ENTREP2: variants seen among roughly 807,000 people sequenced by gnomAD.
The protein encoded by ENTREP2 is endosomal transmembrane epsin interactor 2.
chr15:29,168,342 A>T, the ENTREP2 span, among the ~76,000 whole-genome samples: 1 of 152,226 alleles, frequency 6.6e-6, no homozygotes, highest in Non-Finnish European at 1.5e-5. Flanking sequence ...GAATTTAAAA[A>T]AACCTACTAC....
chr15:29,419,219 G>A, the ENTREP2 span, among the ~76,000 whole-genome samples: 8 of 151,998 alleles, frequency 5.3e-5, no homozygotes, highest in South Asian at 2.1e-4. Flanking sequence ...TAGTTATTAC[G>A]CCCAAGAAAA....
chr15:29,600,902 C>CCTTTTT, the ENTREP2 span, among the ~76,000 whole-genome samples: 2 of 123,624 alleles, frequency 1.6e-5, no homozygotes, highest in African/African-American at 7.2e-5. Context: ...ATTTTTCTTT[C>CCTTTTT]TTTTTTTTTT....
At chr15:29,351,347 G>C in the ENTREP2 span, among the ~76,000 whole-genome samples, 2 of 152,170 alleles carry the variant, frequency 1.3e-5, no homozygotes, top group Admixed American at 6.5e-5. Flanking sequence ...GACCATTATA[G>C]ACATCATTAT....
the ENTREP2 span, chr15:29,121,632 G>A: frequency 6.6e-6 from 1 of 152,210 alleles, no homozygotes; most frequent in African/African-American, 2.4e-5. Flanking sequence ...CCCACTTGAG[G>A]AAAATTAGAG....
At chr15:29,652,740 C>T in the ENTREP2 span, among the ~76,000 whole-genome samples, 2 of 152,334 alleles carry the variant, frequency 1.3e-5, no homozygotes, top group African/African-American at 4.8e-5. Flanking sequence ...ACTGCTCCTG[C>T]TACTTCAGGA....
the ENTREP2 span, among the ~76,000 whole-genome samples, chr15:29,307,627 G>A: frequency 3.3e-5 from 5 of 152,148 alleles, no homozygotes; most frequent in Non-Finnish European, 7.3e-5. Context: ...TTAGAGATAG[G>A]GTCTTTAGTA....
chr15:29,254,329 C>G, the ENTREP2 span, among the ~76,000 whole-genome samples: 1 of 152,184 alleles, frequency 6.6e-6, no homozygotes, highest in Non-Finnish European at 1.5e-5. Flanking sequence ...GATAGTAGTG[C>G]AAATGATTCT....
the ENTREP2 span, among the ~76,000 whole-genome samples, chr15:29,440,131 T>C: frequency 1.3e-5 from 2 of 152,252 alleles, no homozygotes; most frequent in Admixed American, 6.5e-5. Flanking sequence ...TCAAGAGATA[T>C]GATGATTAAA....
the ENTREP2 span, chr15:29,269,742 G>A: frequency 4.4e-4 from 635 of 1,442,076 alleles, 2 homozygotes; most frequent in African/African-American, 8.6e-3. Context: ...ACTCCGGTAG[G>A]CAAGCAGCCG....
chr15:29,125,714 C>T, the ENTREP2 span, among the ~76,000 whole-genome samples: 3 of 152,186 alleles, frequency 2.0e-5, no homozygotes, highest in African/African-American at 4.8e-5. Context: ...CCAAGACTCC[C>T]GGGGAGCTAC....
At chr15:29,502,497 G>A in the ENTREP2 span, among the ~76,000 whole-genome samples, 44 of 151,682 alleles carry the variant, frequency 2.9e-4, no homozygotes, top group East Asian at 8.3e-3. Context: ...GAAAAAAAAA[G>A]CATAGATATA....
chr15:29,507,932 A>G, the ENTREP2 span, among the ~76,000 whole-genome samples: 1 of 152,204 alleles, frequency 6.6e-6, no homozygotes, highest in Non-Finnish European at 1.5e-5. Flanking sequence ...TAGAGACATG[A>G]AAAACCCTTC....
At chr15:29,568,157 C>T in the ENTREP2 span, among the ~76,000 whole-genome samples, 1 of 152,246 alleles carries the variant, frequency 6.6e-6, no homozygotes, top group Non-Finnish European at 1.5e-5. Flanking sequence ...ATGGTATACA[C>T]TGTACCGTAC....
chr15:29,500,920 G>C, the ENTREP2 span, among the ~76,000 whole-genome samples: 7 of 151,806 alleles, frequency 4.6e-5, no homozygotes, highest in Non-Finnish European at 1.0e-4. Context: ...ATAATTCTAA[G>C]AAAATTCTAT....
At chr15:29,646,307 G>A in the ENTREP2 span, among the ~76,000 whole-genome samples, 1 of 152,190 alleles carries the variant, frequency 6.6e-6, no homozygotes, top group Non-Finnish European at 1.5e-5. Flanking sequence ...ATATTGAGGT[G>A]TGGGCCAGGC....
chr15:29,306,645 T>C, the ENTREP2 span, among the ~76,000 whole-genome samples: 1 of 146,866 alleles, frequency 6.8e-6, no homozygotes, highest in East Asian at 2.0e-4. Flanking sequence ...ATCTAAGATA[T>C]ACTGAAAAAT....
chr15:29,289,081 C>A, the ENTREP2 span, among the ~76,000 whole-genome samples: 1 of 151,754 alleles, frequency 6.6e-6, no homozygotes, highest in Non-Finnish European at 1.5e-5. Flanking sequence ...GTGGTGTATG[C>A]CTGCAGTCCC....
the ENTREP2 span, among the ~76,000 whole-genome samples, chr15:29,465,291 A>G: frequency 2.0e-5 from 3 of 152,118 alleles, no homozygotes; most frequent in East Asian, 1.9e-4. Context: ...CAGAACTTCA[A>G]TGTTGGAAGG....
At chr15:29,184,287 T>C in the ENTREP2 span, among the ~76,000 whole-genome samples, 1 of 152,170 alleles carries the variant, frequency 6.6e-6, no homozygotes, top group South Asian at 2.1e-4. Context: ...ACCCAGCCAC[T>C]GACAACTTTT....
Sources: gnomAD v4.1 joint callset for allele counts (sites outside exome capture counted in the v4.1 genomes callset) on GRCh38, gnomAD v4.1.1 for gene constraint, MANE v1.5 for transcripts, NCBI Gene and HGNC (gene_info 2026-07-23, HGNC 2026-07-21) for gene names.